The following KIAA0825 variants were observed in gnomAD, a reference collection of about 807,000 sequenced individuals.
KIAA0825 encodes uncharacterized protein KIAA0825.
In KIAA0825, 119 loss-of-function variants were observed where a neutral mutation model predicts 147.6. The observed-to-expected ratio is 0.81, with a 90% CI of 0.69 to 0.94. The LOEUF (loss-of-function observed/expected upper bound fraction) is 0.94, where lower values mean the gene tolerates loss of function less well. Among genes scored for constraint, KIAA0825 ranks in the 40% least tolerant of loss-of-function variants. The pLI, the probability that KIAA0825 is intolerant of heterozygous loss-of-function variation, is 0.00. For missense variants in KIAA0825, 1,381 were observed against 1,472.7 expected (o/e 0.94, Z 1.02); for synonymous variants, 470 against 518.1 (o/e 0.91, Z 1.26).
At chr5:94,187,272 C>A (rs1214922088) in intron 20 of KIAA0825, among the ~76,000 whole-genome samples, 2 of 149,634 alleles carry the variant, frequency 1.3e-5, no homozygotes, top group Non-Finnish European at 3.0e-5. Flanking sequence ...GCAAAGAAAA[C>A]TAGCATTTTT....
intron 7 of KIAA0825, among the ~76,000 whole-genome samples, chr5:94,474,866 C>T (rs1761668750): frequency 6.6e-6 from 1 of 152,034 alleles, no homozygotes; most frequent in South Asian, 2.1e-4. Flanking sequence ...GGCGAGCAGA[C>T]CACTTGAGGT....
chr5:94,205,169 T>C (rs1772036218), intron 20 of KIAA0825, among the ~76,000 whole-genome samples: 2 of 150,828 alleles, frequency 1.3e-5, no homozygotes, highest in Admixed American at 1.3e-4. Context: ...TTCTCCACCC[T>C]TTGGTAGTTG....
At chr5:94,517,300 T>C (rs1173271401) in intron 5 of KIAA0825, among the ~76,000 whole-genome samples, 1 of 152,160 alleles carries the variant, frequency 6.6e-6, no homozygotes, top group African/African-American at 2.4e-5. Flanking sequence ...AGTATTCTCA[T>C]ATATAAAGTA....
chr5:94,590,436 C>A (rs1242100215), intron 1 of KIAA0825, among the ~76,000 whole-genome samples: 2 of 152,146 alleles, frequency 1.3e-5, no homozygotes, highest in African/African-American at 4.8e-5. Flanking sequence ...TGGACACGAA[C>A]TCTCAAGGAC....
intron 12 of KIAA0825, among the ~76,000 whole-genome samples, chr5:94,455,135 G>A: frequency 6.6e-6 from 1 of 152,096 alleles, no homozygotes; most frequent in East Asian, 1.9e-4. Context: ...CAGTGTGGAA[G>A]TCATCAACAT....
intron 3 of KIAA0825, among the ~76,000 whole-genome samples, chr5:94,528,575 T>C (rs1476019861): frequency 6.6e-6 from 1 of 152,160 alleles, no homozygotes; most frequent in Admixed American, 6.6e-5. Context: ...TGATCTTGTA[T>C]TGATAAGAAC....
chr5:94,298,294 G>T (rs1778235395), intron 20 of KIAA0825, among the ~76,000 whole-genome samples: 2 of 151,998 alleles, frequency 1.3e-5, no homozygotes, highest in Non-Finnish European at 2.9e-5. Context: ...TCTACTCCAG[G>T]TGTCAACTGT....
At chr5:94,213,183 G>A (rs1207862944) in intron 20 of KIAA0825, among the ~76,000 whole-genome samples, 1 of 151,920 alleles carries the variant, frequency 6.6e-6, no homozygotes, top group Non-Finnish European at 1.5e-5. Flanking sequence ...TTTTTCTCTG[G>A]TGTTCTCCAT....
intron 18 of KIAA0825, among the ~76,000 whole-genome samples, chr5:94,390,342 T>C (rs1056023628): frequency 2.0e-5 from 3 of 152,188 alleles, no homozygotes; most frequent in African/African-American, 7.2e-5. Context: ...CACAATTACT[T>C]TGGCCAATCC....
Position 94,583,905 on chromosome 5 carries a change from C to G in KIAA0825, c.-152-1322G>C, listed in dbSNP as rs148225726. On this transcript the variant is annotated intron_variant, in intron 1 of 20. Coordinates refer to ENST00000682413, the MANE Select transcript of KIAA0825 (RefSeq NM_001145678.3). The stretch of plus-strand genomic sequence containing the variant: ...ACAGGCGAACAGGATCTGGAGTGGA[C>G]CTCCAGCAAACTCCAACAGACCTGC... Among the ~76,000 whole-genome samples, 1,343 of 152,244 alleles carry G rather than the reference C, an allele frequency of 8.8e-3. 15 individuals carry two copies. Among genetic ancestry groups the G allele is most frequent in the African/African-American group, 0.031 (1,267 of 41,528 alleles).
chr5:94,585,685 C>A (rs148959928), intron 1 of KIAA0825, among the ~76,000 whole-genome samples: 2 of 152,080 alleles, frequency 1.3e-5, no homozygotes, highest in South Asian at 4.1e-4. Context: ...CTGGACCAAC[C>A]GGGCTTAATA....
chr5:94,564,185 T>C (rs1343293551), intron 2 of KIAA0825, among the ~76,000 whole-genome samples: 1 of 151,640 alleles, frequency 6.6e-6, no homozygotes, highest in Non-Finnish European at 1.5e-5. Context: ...CAGGTTCCTT[T>C]ACCAGCTCTT....
chr5:94,252,066 T>C (rs1215475380), intron 20 of KIAA0825, among the ~76,000 whole-genome samples: 1 of 152,068 alleles, frequency 6.6e-6, no homozygotes, highest in Non-Finnish European at 1.5e-5. Context: ...CAACATAGTA[T>C]AATGGTCACA....
chr5:94,239,109 C>A (rs1415669758), intron 20 of KIAA0825, among the ~76,000 whole-genome samples: 1 of 152,096 alleles, frequency 6.6e-6, no homozygotes, highest in Non-Finnish European at 1.5e-5. Flanking sequence ...CATATTAACA[C>A]TTTTATAACC....
intron 20 of KIAA0825, among the ~76,000 whole-genome samples, chr5:94,349,823 C>G (rs1783438635): frequency 6.6e-6 from 1 of 152,030 alleles, no homozygotes; most frequent in Non-Finnish European, 1.5e-5. Flanking sequence ...ACGCCTACAT[C>G]AAAAAGACTG....
chr5:94,270,914 A>AT (rs1776951556), intron 20 of KIAA0825, among the ~76,000 whole-genome samples: 1 of 152,210 alleles, frequency 6.6e-6, no homozygotes, highest in Non-Finnish European at 1.5e-5. Context: ...AATCTGGCTT[A>AT]TATCCACAAA....
intron 15 of KIAA0825, chr5:94,414,137 A>G (rs982426824): frequency 1.3e-5 from 2 of 152,224 alleles, no homozygotes; most frequent in African/African-American, 4.8e-5. Flanking sequence ...TTGCTAGGTT[A>G]TGGAAAACTT....
intron 20 of KIAA0825, among the ~76,000 whole-genome samples, chr5:94,211,968 T>G (rs1298325233): frequency 6.6e-6 from 1 of 152,222 alleles, no homozygotes; most frequent in Non-Finnish European, 1.5e-5. Flanking sequence ...TGAGAGATTA[T>G]CTGATATATA....
intron 1 of KIAA0825, among the ~76,000 whole-genome samples, chr5:94,602,005 C>A (rs192308338): frequency 6.6e-5 from 10 of 152,288 alleles, no homozygotes. Context: ...CACAACCTTG[C>A]TAGATAGGCC....
Sources: gnomAD v4.1 joint callset for allele counts (sites outside exome capture counted in the v4.1 genomes callset) on GRCh38, gnomAD v4.1.1 for gene constraint, MANE v1.5 for transcripts, NCBI Gene and HGNC (gene_info 2026-07-23, HGNC 2026-07-21) for gene names.